Variants in VDR observed in about 807,000 individuals in gnomAD.
VDR encodes the protein vitamin D receptor.
Under a neutral mutation model 39.7 loss-of-function variants are expected in VDR, and 19 were observed. The ratio of observed to expected loss-of-function variants is 0.48; its 90% confidence interval spans 0.33 to 0.70. VDR has a LOEUF of 0.70. Among genes scored for constraint, VDR ranks in the 30% least tolerant of loss-of-function variants. The pLI is 0.02. For missense variants in VDR, 442 were observed against 570.5 expected, an observed-to-expected ratio of 0.77 and a Z score of 2.29; for synonymous variants, 242 against 215.8, an observed-to-expected ratio of 1.12 and a Z score of -1.07.
chr12:47,865,108 G>A lies in VDR; in HGVS notation c.216C>T (p.Asn72=), dbSNP rs761541880. The A allele has an allele frequency of 2.5e-6, 4 of 1,613,852 alleles. No homozygotes were observed. The East Asian group carries it at 6.7e-5, about 27-fold the overall frequency. The change falls in exon 4 of 10, where the codon AAC becomes AAT. Residue 72 remains asparagine (N), a synonymous_variant. Transcript: ENST00000549336. The part of the protein sequence containing the change: ...FNGDCRITKD[N]RRHCQACRLK... ...GCCGGCAGGCCTGGCAGTGGCGTCG[G>A]TTGTCCTTGGTGATGCGGCAGTCCC...
rs1392284565 is a variant in VDR at position 47,865,147 on chromosome 12, G to A, written c.177C>T (p.Thr59=). ...RRSMKRKALF[T]CPFNGDCRIT... Reference sequence around the variant, plus strand: ...TGCGGCAGTCCCCGTTGAAGGGGCAGGTGAATAGTGCCTTCCGCTTCATGC... The same window carrying A: ...TGCGGCAGTCCCCGTTGAAGGGGCAAGTGAATAGTGCCTTCCGCTTCATGC... Residue 59 remains threonine, a synonymous_variant, in exon 4 of 10, where the codon ACC becomes ACT. Transcript: ENST00000549336. 1 of 1,613,444 alleles carries A rather than the reference G, an allele frequency of 6.2e-7. No individual in the cohort carries two copies. The highest frequency in any genetic ancestry group is 8.5e-7 in the Non-Finnish European group (1 of 1,179,554).
chr12:47,845,356 C>A (rs1347771892), intron 9 of VDR, among the ~76,000 whole-genome samples: 1 of 151,744 alleles, frequency 6.6e-6, no homozygotes, highest in African/African-American at 2.4e-5. Flanking sequence ...GCTCTGCTAT[C>A]TTTGCCAGAC....
chr12:47,863,910 C>T (rs186331416), intron 4 of VDR, among the ~76,000 whole-genome samples: 126 of 152,328 alleles, frequency 8.3e-4, no homozygotes, highest in African/African-American at 2.8e-3. Flanking sequence ...GAGAAATTTG[C>T]TATCCTCTAA....
At position 47,864,908 on chromosome 12, in the gene VDR, A is replaced by T; in HGVS notation, c.277+139T>A. ...TGCCCTGTCACCAGCTGCTGGTCCCACTGAGGCCCTGGCCCCAGATGCTGG... is the reference window on the plus strand; with the variant it reads ...TGCCCTGTCACCAGCTGCTGGTCCCTCTGAGGCCCTGGCCCCAGATGCTGG... On this transcript the variant is annotated intron_variant, in intron 4 of 9. Transcript: ENST00000549336. 4.2e-6 allele frequency: 6 copies of T among 1,440,268 alleles called. 1 individual carries two copies. The allele number at this position is 1,440,268 out of a possible 1,614,324, so 89.2% of individuals were successfully genotyped here.
At chr12:47,863,381 G>A (rs1945663793) in intron 4 of VDR, among the ~76,000 whole-genome samples, 1 of 152,218 alleles carries the variant, frequency 6.6e-6, no homozygotes, top group African/African-American at 2.4e-5. Flanking sequence ...GCTTAGTCCT[G>A]AGGGGAACTC....
rs116858826 is a variant in VDR, at chr12:47,899,607, T to C, written c.-84+5348A>G. ...ACAGCACTACCTAAAATTTTAGTCA[T>C]CTACCAAGGAACCCTGAGACCCACA... On this transcript the variant is annotated intron_variant, in intron 1 of 9. Transcript: ENST00000549336. Among the ~76,000 whole-genome samples the C allele has an allele frequency of 8.1e-3, 1,229 of 152,340 alleles. 7 individuals carry two copies. Among genetic ancestry groups the C allele is most frequent in the Non-Finnish European group, 0.014 (946 of 68,016 alleles).
intron 7 of VDR, among the ~76,000 whole-genome samples, chr12:47,855,323 G>C (rs1945459170): frequency 6.9e-6 from 1 of 144,310 alleles, no homozygotes; most frequent in Admixed American, 7.0e-5. Flanking sequence ...GCGAGAATCT[G>C]TCTGGAAAAA....
In VDR at chr12:47,843,477, C is replaced by G. The variant is rs546343264; in HGVS notation, c.*1269G>C. On this transcript the variant is annotated 3_prime_UTR_variant, in exon 10 of 10. Transcript: ENST00000549336. ...CACAAAGACCCCACCTTGGAGTAAA[C>G]GGACAGACGCTTCCCACCAGCTGGG... 7 of 152,528 alleles carry G rather than the reference C, an allele frequency of 4.6e-5. No individual in the cohort carries two copies. The highest frequency in any genetic ancestry group is 1.7e-4 in the African/African-American group (7 of 41,552). 9.4% of individuals were successfully genotyped at this position (152,528 alleles called of 1,614,324 possible).
rs1945233081 is a variant in VDR at position 47,844,457 on chromosome 12, C to A, written c.*289G>T. The A allele has an allele frequency of 3.5e-6, 2 of 565,722 alleles. No homozygotes were observed. Among genetic ancestry groups the A allele is most frequent in the Admixed American group, 3.1e-5 (1 of 32,540 alleles). 35.0% of individuals were successfully genotyped at this position (565,722 alleles called of 1,614,324 possible). A position where few individuals can be genotyped will look rare whatever the true frequency, so the allele number is the denominator to read the frequency against. On this transcript the variant is annotated 3_prime_UTR_variant, in exon 10 of 10. Transcript: ENST00000549336. ...CACTTAGGCAGCGGTGGAGGCATCT[C>A]TGGGCAAGGCCCTGCCTCCAGCCTC...
At chr12:47,904,358 AT>A (rs550869947) in intron 1 of VDR, among the ~76,000 whole-genome samples, 96 of 150,868 alleles carry the variant, frequency 6.4e-4, no homozygotes, top group African/African-American at 2.1e-3. Context: ...CCCCTTCCTC[AT>A]TTAAATGCTT....
At chr12:47,901,108 G>A (rs181520816) in intron 1 of VDR, 427 of 155,048 alleles carry the variant, frequency 2.8e-3, no homozygotes, top group Non-Finnish European at 4.9e-3. Flanking sequence ...TACCCCCCTT[G>A]CCCACAAGTC....
chr12:47,866,066 TA>T (rs1315346537), intron 3 of VDR, among the ~76,000 whole-genome samples: 1 of 151,588 alleles, frequency 6.6e-6, no homozygotes, highest in Non-Finnish European at 1.5e-5. Context: ...CTTCCCATTT[TA>T]AAAAATTAAA....
intron 1 of VDR, among the ~76,000 whole-genome samples, chr12:47,895,975 C>T (rs1461803063): frequency 6.6e-6 from 1 of 152,244 alleles, no homozygotes. Flanking sequence ...CACACACTGA[C>T]AGCAGAGCTC....
Position 47,889,006 on chromosome 12 carries a change from T to C in VDR, c.-83-6232A>G, listed in dbSNP as rs1473425748. ...TGCACATTGTGTACCCATATTGAAATATCACTCTGTATTCCATATGTACAA... is the reference window on the plus strand; with the variant it reads ...TGCACATTGTGTACCCATATTGAAACATCACTCTGTATTCCATATGTACAA... On this transcript the variant is annotated intron_variant, in intron 1 of 9. Coordinates refer to ENST00000549336, the MANE Select transcript of VDR (RefSeq NM_000376.3). Among the ~76,000 whole-genome samples, 6 of 152,170 alleles carry C rather than the reference T, an allele frequency of 3.9e-5. No homozygotes were observed. In the East Asian group the frequency reaches 9.7e-4, roughly 25 times the overall value.
At chr12:47,851,764 C>T (rs572322348) in intron 7 of VDR, among the ~76,000 whole-genome samples, 1 of 152,348 alleles carries the variant, frequency 6.6e-6, no homozygotes, top group South Asian at 2.1e-4. Context: ...AAGGCCTGCT[C>T]CATTTTCATT....
chr12:47,853,162 T>G (rs1024434502), intron 7 of VDR, among the ~76,000 whole-genome samples: 1 of 152,200 alleles, frequency 6.6e-6, no homozygotes, highest in Non-Finnish European at 1.5e-5. Flanking sequence ...TTTAAGAATA[T>G]TGGCCGGCAG....
intron 2 of VDR, among the ~76,000 whole-genome samples, chr12:47,879,786 A>G (rs534485806): frequency 6.6e-6 from 1 of 152,130 alleles, no homozygotes; most frequent in South Asian, 2.1e-4. Flanking sequence ...TGGCAATAAC[A>G]CTTAAAACAT....
chr12:47,870,689 C>T (rs146946529), intron 3 of VDR, among the ~76,000 whole-genome samples: 4 of 152,206 alleles, frequency 2.6e-5, no homozygotes, highest in African/African-American at 7.2e-5. Flanking sequence ...CCAGCAGAGA[C>T]GCACGTTGCA....
chr12:47,854,421 G>A (rs1189595280), intron 7 of VDR, among the ~76,000 whole-genome samples: 1 of 152,104 alleles, frequency 6.6e-6, no homozygotes, highest in African/African-American at 2.4e-5. Context: ...ACTGTGCCCA[G>A]CCAGGAAATG....
Sources: gnomAD v4.1 joint callset for allele counts (sites outside exome capture counted in the v4.1 genomes callset) on GRCh38, gnomAD v4.1.1 for gene constraint, MANE v1.5 for transcripts, NCBI Gene and HGNC (gene_info 2026-07-23, HGNC 2026-07-21) for gene names.